Variants in ADAMTS12 observed in about 807,000 individuals in gnomAD.
ADAMTS12 encodes A disintegrin and metalloproteinase with thrombospondin motifs 12.
Under a neutral mutation model 167.8 loss-of-function variants are expected in ADAMTS12, and 118 were observed. The ratio of observed to expected loss-of-function variants is 0.70; its 90% confidence interval spans 0.61 to 0.82. ADAMTS12 has a LOEUF of 0.82. Ranked by LOEUF, ADAMTS12 falls within the 40% of genes least tolerant of loss-of-function variation. ADAMTS12 has a pLI of 0.00. For missense variants in ADAMTS12, 1,916 were observed against 1,998.8 expected (o/e 0.96, Z 0.79); for synonymous variants, 704 against 716.9 (o/e 0.98, Z 0.29).
At chr5:33,728,556 T>C (rs1245891684) in intron 3 of ADAMTS12, among the ~76,000 whole-genome samples, 1 of 152,204 alleles carries the variant, frequency 6.6e-6, no homozygotes, top group Middle Eastern at 3.2e-3. Flanking sequence ...AGCCTGGCCC[T>C]GGGCCTCTCT....
chr5:33,831,298 C>T (rs533620836), intron 2 of ADAMTS12, among the ~76,000 whole-genome samples: 25 of 152,208 alleles, frequency 1.6e-4, no homozygotes, highest in East Asian at 1.9e-4. Context: ...ATATCTTGTC[C>T]GAGATTATAC....
At chr5:33,785,153 C>T (rs541031621) in intron 2 of ADAMTS12, among the ~76,000 whole-genome samples, 4 of 152,056 alleles carry the variant, frequency 2.6e-5, no homozygotes, top group Non-Finnish European at 4.4e-5. Context: ...CTTTCTCATA[C>T]CACTCCCAAA....
intron 13 of ADAMTS12, among the ~76,000 whole-genome samples, chr5:33,626,977 T>TAATGATG (rs774483975): frequency 6.0e-5 from 9 of 149,472 alleles, no homozygotes; most frequent in Non-Finnish European, 1.0e-4. Context: ...GTGGTAGTGG[T>TAATGATG]AATGATGATT....
intron 14 of ADAMTS12, among the ~76,000 whole-genome samples, chr5:33,621,148 C>A (rs1312480758): frequency 6.6e-6 from 1 of 151,984 alleles, no homozygotes; most frequent in East Asian, 1.9e-4. Flanking sequence ...GCCTGTAATC[C>A]CAGCATTTTG....
chr5:33,887,406 T>C (rs1415650626), intron 1 of ADAMTS12, among the ~76,000 whole-genome samples: 1 of 152,122 alleles, frequency 6.6e-6, no homozygotes, highest in Admixed American at 6.6e-5. Context: ...TGTGTGCATC[T>C]CCAGGGTCTG....
chr5:33,631,747 A>T (rs1739946743), intron 12 of ADAMTS12, among the ~76,000 whole-genome samples: 2 of 152,208 alleles, frequency 1.3e-5, no homozygotes, highest in African/African-American at 4.8e-5. Flanking sequence ...TCAAATAATA[A>T]TTTTTTAATG....
At chr5:33,719,184 C>T (rs1743718220) in intron 3 of ADAMTS12, among the ~76,000 whole-genome samples, 1 of 151,936 alleles carries the variant, frequency 6.6e-6, no homozygotes, top group African/African-American at 2.4e-5. Context: ...TGGGTTGTGC[C>T]AATGGAAGAG....
chr5:33,673,515 A>G (rs560804900), intron 5 of ADAMTS12, among the ~76,000 whole-genome samples: 5 of 152,130 alleles, frequency 3.3e-5, no homozygotes, highest in Non-Finnish European at 5.9e-5. Context: ...CTGCATCCCA[A>G]TCTGTCATCA....
At position 33,806,984 on chromosome 5, in the gene ADAMTS12, C is replaced by A. The variant is rs147596718; in HGVS notation, c.490-55436G>T. Among the ~76,000 whole-genome samples the A allele has an allele frequency of 1.2e-4, 18 of 152,258 alleles. No individual in the cohort carries two copies. In the East Asian group the frequency reaches 1.7e-3, roughly 15 times the overall value. ...GATAGGTTAAAACTGCAGACCTACT[C>A]GTGTCATACCCCTGTTAAAACCCAT... On this transcript the variant is annotated intron_variant, in intron 2 of 23. Coordinates refer to ENST00000504830, the MANE Select transcript of ADAMTS12 (RefSeq NM_030955.4).
At chr5:33,846,307 A>G (rs1748942404) in intron 2 of ADAMTS12, among the ~76,000 whole-genome samples, 1 of 152,228 alleles carries the variant, frequency 6.6e-6, no homozygotes, top group South Asian at 2.1e-4. Context: ...TGTTTGATTA[A>G]CTGAATTCTT....
At chr5:33,719,325 T>TCTAAAAC (rs1315214577) in intron 3 of ADAMTS12, among the ~76,000 whole-genome samples, 6 of 152,084 alleles carry the variant, frequency 3.9e-5, no homozygotes. Context: ...GGACTTTGTT[T>TCTAAAAC]CTCCCAAGAG....
At position 33,648,799 on chromosome 5, in the gene ADAMTS12, T is replaced by G. The variant is rs754552472; in HGVS notation, c.1479+23A>C. The G allele has an allele frequency of 2.5e-6, 4 of 1,613,822 alleles. No individual in the cohort carries two copies. In the East Asian group the frequency reaches 6.7e-5, roughly 27 times the overall value. ...TGCTGGAGATCTGAAGCCCTGCATA[T>G]AGCCACCAAGAGGTACACTTACTTC... On this transcript the variant is annotated intron_variant, in intron 9 of 23. Coordinates refer to ENST00000504830, the MANE Select transcript of ADAMTS12 (RefSeq NM_030955.4).
rs573832359 is a variant in ADAMTS12 at position 33,864,621 on chromosome 5, A to G, written c.489+16498T>C. Reference sequence around the variant, plus strand: ...CATCAATGATAGACTGGATAGAGAAAATGTGGCACATATGCACCATGGAAT... The same window carrying G: ...CATCAATGATAGACTGGATAGAGAAGATGTGGCACATATGCACCATGGAAT... On this transcript the variant is annotated intron_variant, in intron 2 of 23. Transcript: ENST00000504830. Among the ~76,000 whole-genome samples, 5 of 152,376 alleles carry G rather than the reference A, an allele frequency of 3.3e-5. No homozygotes were observed. The East Asian group carries it at 9.6e-4, about 29-fold the overall frequency.
intron 3 of ADAMTS12, among the ~76,000 whole-genome samples, chr5:33,719,880 AATTACT>A (rs1743747275): frequency 1.3e-5 from 2 of 152,184 alleles, no homozygotes; most frequent in African/African-American, 4.8e-5. Flanking sequence ...TTGTTTTGAA[AATTACT>A]GAAAAATGGA....
intron 3 of ADAMTS12, among the ~76,000 whole-genome samples, chr5:33,710,594 GC>G (rs1743363317): frequency 6.6e-6 from 1 of 152,198 alleles, no homozygotes; most frequent in African/African-American, 2.4e-5. Context: ...GCCTCATGGA[GC>G]TTGGAATTTG....
intron 1 of ADAMTS12, among the ~76,000 whole-genome samples, chr5:33,885,601 C>A (rs1190445978): frequency 6.6e-6 from 1 of 152,140 alleles, no homozygotes. Flanking sequence ...AGAGAATATC[C>A]AGTAGACAAG....
At chr5:33,722,914 T>A (rs1743855085) in intron 3 of ADAMTS12, among the ~76,000 whole-genome samples, 1 of 152,020 alleles carries the variant, frequency 6.6e-6, no homozygotes, top group African/African-American at 2.4e-5. Context: ...AGAGAGGAAG[T>A]GCCTGATATA....
chr5:33,693,176 A>G (rs1270013707), intron 3 of ADAMTS12, among the ~76,000 whole-genome samples: 1 of 152,334 alleles, frequency 6.6e-6, no homozygotes, highest in East Asian at 1.9e-4. Flanking sequence ...AAATACATTT[A>G]TGTTCTTCCC....
chr5:33,627,625 T>A (rs1739725604), intron 13 of ADAMTS12, among the ~76,000 whole-genome samples: 1 of 152,110 alleles, frequency 6.6e-6, no homozygotes, highest in African/African-American at 2.4e-5. Context: ...GGTTTTAGCA[T>A]CATTCCAAAA....
Sources: gnomAD v4.1 joint callset for allele counts (sites outside exome capture counted in the v4.1 genomes callset) on GRCh38, gnomAD v4.1.1 for gene constraint, MANE v1.5 for transcripts, NCBI Gene and HGNC (gene_info 2026-07-23, HGNC 2026-07-21) for gene names.